PSD3: variants seen among roughly 807,000 people sequenced by gnomAD.
PSD3 encodes pleckstrin and Sec7 domain containing 3, also known as PH and SEC7 domain-containing protein 3.
In PSD3, 49 loss-of-function variants were observed where a neutral mutation model predicts 105.5. The observed-to-expected ratio is 0.46, with a 90% CI of 0.37 to 0.59. The LOEUF (loss-of-function observed/expected upper bound fraction) is 0.59, where lower values mean the gene tolerates loss of function less well. PSD3 is among the 20% of genes least tolerant of loss of function. PSD3 has a pLI of 0.00. For missense variants in PSD3, 1,561 were observed against 1,263.8 expected, an observed-to-expected ratio of 1.24 and a Z score of -3.57; for synonymous variants, 557 against 457.8, an observed-to-expected ratio of 1.22 and a Z score of -2.77.
chr8:18,695,447 T>C (rs1801205321), intron 9 of PSD3, among the ~76,000 whole-genome samples: 1 of 152,234 alleles, frequency 6.6e-6, no homozygotes, highest in South Asian at 2.1e-4. Flanking sequence ...ACTTCTTCCA[T>C]GTATGCCAGA....
chr8:19,059,547 G>A (rs916215157), intron 1 of PSD3, among the ~76,000 whole-genome samples: 2 of 152,172 alleles, frequency 1.3e-5, no homozygotes, highest in Admixed American at 1.3e-4. Context: ...TGGGACCAAA[G>A]TACTTTATTG....
intron 1 of PSD3, among the ~76,000 whole-genome samples, chr8:19,052,918 A>G (rs10113368): frequency 0.092 from 14,070 of 152,156 alleles, 724 homozygotes; most frequent in Middle Eastern, 0.17. Flanking sequence ...TTACTTGTAG[A>G]GGGCCTGCTT....
chr8:18,671,193 T>A (rs1401274613), intron 9 of PSD3, among the ~76,000 whole-genome samples: 6 of 152,074 alleles, frequency 3.9e-5, no homozygotes, highest in Admixed American at 3.9e-4. Flanking sequence ...TGCTTCTACG[T>A]CCTAGGAAGT....
intron 11 of PSD3, among the ~76,000 whole-genome samples, chr8:18,629,429 A>AGG (rs1477562608): frequency 6.6e-6 from 1 of 152,058 alleles, no homozygotes; most frequent in Non-Finnish European, 1.5e-5. Flanking sequence ...CTTTATTTAT[A>AGG]ACAGTTCAAA....
rs563627596 is a variant in PSD3 at position 18,702,805 on chromosome 8, G to A, written c.2173-47120C>T. ...ATTTTTGCATTTTTAGTAGAGACAG[G>A]GTTTCACCATGTTAGCCGGGATGGT... On this transcript the variant is annotated intron_variant, in intron 9 of 15. Coordinates refer to ENST00000327040, the MANE Select transcript of PSD3 (RefSeq NM_015310.4). 7.2e-5 allele frequency among the ~76,000 whole-genome samples: 11 copies of A among 151,892 alleles called. No individual in the cohort carries two copies. In the East Asian group the frequency reaches 1.8e-3, roughly 24 times the overall value.
intron 1 of PSD3, among the ~76,000 whole-genome samples, chr8:19,039,606 T>C (rs1002950256): frequency 6.6e-6 from 1 of 152,150 alleles, no homozygotes; most frequent in African/African-American, 2.4e-5. Context: ...CTGGACAATA[T>C]CATGTCCCTC....
chr8:19,013,548 G>C lies in PSD3; in HGVS notation c.21+15C>G. 2 of 1,570,522 alleles carry C rather than the reference G, an allele frequency of 1.3e-6. No individual in the cohort carries two copies. The highest frequency in any genetic ancestry group is 1.7e-6 in the Non-Finnish European group (2 of 1,166,742). On this transcript the variant is annotated intron_variant, in intron 1 of 15. Transcript: ENST00000327040. ...CGTGCGCACCCCGCGCCCGCGCCCC[G>C]GCCCCGGAGCTCACCGCTGCGCTCC... is the stretch of plus-strand genomic sequence containing the variant.
chr8:18,834,161 G>A (rs74889623), intron 4 of PSD3, among the ~76,000 whole-genome samples: 2 of 152,150 alleles, frequency 1.3e-5, no homozygotes, highest in South Asian at 4.1e-4. Context: ...TGAAAGATAA[G>A]AATGTAGAGA....
chr8:18,636,779 C>T (rs914214755), intron 10 of PSD3, among the ~76,000 whole-genome samples: 1 of 152,160 alleles, frequency 6.6e-6, no homozygotes, highest in African/African-American at 2.4e-5. Context: ...CAGTAACGAG[C>T]TATACAGGAT....
chr8:19,033,546 T>C (rs1363428015), intron 1 of PSD3, among the ~76,000 whole-genome samples: 1 of 148,750 alleles, frequency 6.7e-6, no homozygotes, highest in East Asian at 2.0e-4. Flanking sequence ...GCTCTTTTTT[T>C]TTTCTTTTTT....
At chr8:18,730,672 C>T (rs1285650679) in intron 9 of PSD3, among the ~76,000 whole-genome samples, 7 of 152,144 alleles carry the variant, frequency 4.6e-5, no homozygotes, top group Non-Finnish European at 8.8e-5. Context: ...GGCTTCTATC[C>T]CTTAAAATAC....
intron 9 of PSD3, chr8:18,763,122 G>T (rs951770256): frequency 2.2e-6 from 1 of 451,618 alleles, no homozygotes; most frequent in Middle Eastern, 3.3e-4. Flanking sequence ...CTGGGCCAAA[G>T]AAATCTGAAC....
At chr8:18,658,500 A>G in intron 9 of PSD3, among the ~76,000 whole-genome samples, 2 of 151,738 alleles carry the variant, frequency 1.3e-5, no homozygotes, top group Admixed American at 1.3e-4. Flanking sequence ...TGTACATGAA[A>G]ATATTAATAG....
At chr8:19,074,611 ATTTTTTTT>A (rs1206111403) in intron 1 of PSD3, among the ~76,000 whole-genome samples, 38 of 24,200 alleles carry the variant, frequency 1.6e-3, no homozygotes, top group African/African-American at 5.2e-3. Context: ...ATATATATAT[ATTTTTTTT>A]TTTTTTTTTT....
chr8:18,943,103 T>A (rs1237634361), intron 1 of PSD3, among the ~76,000 whole-genome samples: 1 of 152,098 alleles, frequency 6.6e-6, no homozygotes, highest in Non-Finnish European at 1.5e-5. Flanking sequence ...AATCCTAAGA[T>A]TCAAAGAAGC....
At chr8:18,708,677 G>C (rs1169848656) in intron 9 of PSD3, among the ~76,000 whole-genome samples, 1 of 152,118 alleles carries the variant, frequency 6.6e-6, no homozygotes, top group African/African-American at 2.4e-5. Context: ...AGAAATGCTA[G>C]TCAAGAAAGA....
chr8:18,814,973 T>C (rs536685623), intron 4 of PSD3, among the ~76,000 whole-genome samples: 2 of 152,282 alleles, frequency 1.3e-5, no homozygotes, highest in Non-Finnish European at 2.9e-5. Flanking sequence ...TCTTAAACAG[T>C]TTGTTTAGTG....
rs776390313 is a variant in PSD3, at chr8:18,804,806, T to A, written c.1727A>T (p.Asn576Ile). ...TGCTTCCACATTGCTGCTGGTACCA[T>A]TACTGAGATTTTCTGGGGTCTCCTT... Reference protein sequence around the residue: ...LEKETPENLSNGTSSNVEAAK... With the variant: ...LEKETPENLSIGTSSNVEAAK... The change falls in exon 5 of 16, where the codon AAT becomes ATT. Residue 576 changes from asparagine (N) to isoleucine (I), a missense_variant. By Grantham distance (149) the Asn-to-Ile change is moderately radical (BLOSUM62 -3). Transcript: ENST00000327040. 6.2e-7 allele frequency: 1 copy of A among 1,614,106 alleles called. No individual in the cohort carries two copies. Among genetic ancestry groups the A allele is most frequent in the Non-Finnish European group, 8.5e-7 (1 of 1,179,958 alleles).
chr8:18,957,666 C>G (rs534311536), intron 1 of PSD3, among the ~76,000 whole-genome samples: 1 of 152,228 alleles, frequency 6.6e-6, no homozygotes, highest in Non-Finnish European at 1.5e-5. Context: ...GCCTCAGTAC[C>G]TTATGTCTGG....
Sources: allele counts gnomAD v4.1 joint callset (sites outside exome capture counted in the v4.1 genomes callset), GRCh38; gene constraint gnomAD v4.1.1; transcripts MANE v1.5; gene names NCBI Gene and HGNC (gene_info 2026-07-23, HGNC 2026-07-21).